APP: variants seen among roughly 807,000 people sequenced by gnomAD.
APP encodes the protein amyloid beta precursor protein.
APP carries 31 observed loss-of-function variants against 101.4 expected under a neutral mutation model. That is an observed-to-expected ratio of 0.31 (90% confidence interval 0.23 to 0.41). The LOEUF is 0.41. Among genes scored for constraint, APP ranks in the 10% least tolerant of loss-of-function variants. APP has a pLI of 1.00. For missense variants in APP, 839 were observed against 1,003.7 expected, an observed-to-expected ratio of 0.84 and a Z score of 2.22; for synonymous variants, 366 against 364.4, an observed-to-expected ratio of 1.00 and a Z score of -0.05.
chr21:26,068,893 T>C (rs1182720239), intron 3 of APP, among the ~76,000 whole-genome samples: 2 of 152,214 alleles, frequency 1.3e-5, no homozygotes, highest in African/African-American at 2.4e-5. Context: ...TCCCAGTCGC[T>C]TGCTGCATGC....
chr21:25,891,968 G>A (rs1392899786), intron 16 of APP, 100 bp from the exon 17 acceptor site: 3 of 1,275,584 alleles, frequency 2.4e-6, no homozygotes, highest in East Asian at 5.1e-5. Context: ...AAATGCAGGG[G>A]ACATTTGGAT....
chr21:25,947,801 G>A (rs1156935007), intron 13 of APP, among the ~76,000 whole-genome samples: 6 of 151,932 alleles, frequency 3.9e-5, no homozygotes, highest in Non-Finnish European at 8.8e-5. Flanking sequence ...TCAGGAGTTC[G>A]AGACCAGCTT....
chr21:25,989,922 TAA>T (rs58821939), intron 8 of APP, among the ~76,000 whole-genome samples: 24 of 145,332 alleles, frequency 1.7e-4, no homozygotes, highest in African/African-American at 4.7e-4. Context: ...AAAGTGTCTC[TAA>T]AAAAAAAAAA....
intron 1 of APP, among the ~76,000 whole-genome samples, chr21:26,149,667 A>C (rs1347726187): frequency 6.6e-6 from 1 of 152,268 alleles, no homozygotes; most frequent in African/African-American, 2.4e-5. Context: ...GAATTGCTGT[A>C]TACTCTAAAC....
chr21:25,907,201 C>T lies in APP; in HGVS notation c.1910-2124G>A, dbSNP rs151299168. ...ATTATTTAAAAACAATAATAAAACC[C>T]TAACCCTATTTTTTAGGAAGATTAA... On this transcript the variant is annotated intron_variant, in intron 14 of 17. Transcript: ENST00000346798. Among the ~76,000 whole-genome samples the T allele has an allele frequency of 2.2e-4, 34 of 152,182 alleles. No individual in the cohort carries two copies. In the East Asian group the frequency reaches 5.8e-3, roughly 26 times the overall value.
In APP at chr21:26,013,947, G is replaced by A. The variant is rs149969604; in HGVS notation, c.865+7893C>T. The stretch of plus-strand genomic sequence containing the variant: ...CATGACATGGGGCACAAAATAACAG[G>A]CTGTTACCTGTCACATCTATGGTCA... On this transcript the variant is annotated intron_variant, in intron 6 of 17. Coordinates refer to ENST00000346798, the MANE Select transcript of APP (RefSeq NM_000484.4). 2.8e-3 allele frequency among the ~76,000 whole-genome samples: 420 copies of A among 152,200 alleles called. 4 individuals carry two copies. The highest frequency in any genetic ancestry group is 5.0e-4 in the Non-Finnish European group (34 of 68,014).
intron 5 of APP, among the ~76,000 whole-genome samples, chr21:26,048,073 T>C (rs916214548): frequency 6.6e-5 from 10 of 152,016 alleles, no homozygotes; most frequent in African/African-American, 2.4e-4. Flanking sequence ...TCCCAGCACT[T>C]TGGGAGGCTG....
intron 3 of APP, among the ~76,000 whole-genome samples, chr21:26,074,498 G>A (rs1437847465): frequency 2.0e-5 from 3 of 152,234 alleles, no homozygotes; most frequent in Admixed American, 1.3e-4. Flanking sequence ...GCTCACGCCT[G>A]TAATTCCAGC....
At chr21:25,987,060 G>GTTGTT (rs1310740403) in intron 8 of APP, among the ~76,000 whole-genome samples, 3 of 152,210 alleles carry the variant, frequency 2.0e-5, no homozygotes, top group Non-Finnish European at 4.4e-5. Flanking sequence ...AAGGGTTTTT[G>GTTGTT]TTGTTTTGTT....
Position 25,897,618 on chromosome 21 carries a change from T to C in APP, c.2019A>G (p.Ala673=). The C allele has an allele frequency of 6.2e-7, 1 of 1,614,110 alleles. No homozygotes were observed. Among genetic ancestry groups the C allele is most frequent in the Non-Finnish European group, 8.5e-7 (1 of 1,179,962 alleles). Residue 673 remains alanine, a synonymous_variant, in exon 16 of 18, where the codon GCA becomes GCG. Coordinates refer to ENST00000346798, the MANE Select transcript of APP (RefSeq NM_000484.4). ...CATATCCTGAGTCATGTCGGAATTC[T>C]GCATCCATCTTCACTTCAGAGATCT... The part of the protein sequence containing the change: ...TEEISEVKMD[A]EFRHDSGYEV...
intron 6 of APP, chr21:26,009,508 A>T (rs1486861529): frequency 6.6e-6 from 1 of 152,146 alleles, no homozygotes; most frequent in Non-Finnish European, 1.5e-5. Flanking sequence ...CAGAAATATC[A>T]AAGTTTTTAT....
chr21:25,891,524 T>C (rs2037695218), intron 17 of APP, among the ~76,000 whole-genome samples, 198 bp downstream of exon 17: 1 of 152,208 alleles, frequency 6.6e-6, no homozygotes, highest in African/African-American at 2.4e-5. Flanking sequence ...ACACTCTCAA[T>C]ACCTTGAGCA....
At chr21:26,038,059 T>A (rs2045200547) in intron 5 of APP, among the ~76,000 whole-genome samples, 1 of 152,158 alleles carries the variant, frequency 6.6e-6, no homozygotes, top group South Asian at 2.1e-4. Flanking sequence ...CTATTTAAAT[T>A]TCTATTTAAA....
At chr21:26,119,071 G>A (rs1165838117) in intron 1 of APP, among the ~76,000 whole-genome samples, 1 of 152,024 alleles carries the variant, frequency 6.6e-6, no homozygotes, top group African/African-American at 2.4e-5. Flanking sequence ...GAAAAACCAA[G>A]ATAAGTCACT....
chr21:26,079,941 T>C (rs1024114647), intron 3 of APP, among the ~76,000 whole-genome samples: 6 of 152,096 alleles, frequency 3.9e-5, no homozygotes, highest in Non-Finnish European at 7.4e-5. Context: ...CTGGCCAACA[T>C]GGTGAAACCC....
At chr21:25,891,093 T>A (rs577350938) in intron 17 of APP, among the ~76,000 whole-genome samples, 1 of 152,326 alleles carries the variant, frequency 6.6e-6, no homozygotes, top group Non-Finnish European at 1.5e-5. Flanking sequence ...TTTCTCTCTT[T>A]CTTGTTTTAG....
chr21:26,097,549 G>T (rs1037440919), intron 2 of APP, among the ~76,000 whole-genome samples: 3 of 38,412 alleles, frequency 7.8e-5, no homozygotes, highest in African/African-American at 3.3e-4. Context: ...TTTCAATATT[G>T]TTCTTCCAAG....
At chr21:25,976,196 TATAA>T (rs1481509941) in intron 9 of APP, among the ~76,000 whole-genome samples, 168 bp from the exon 10 acceptor site, 2 of 152,220 alleles carry the variant, frequency 1.3e-5, no homozygotes, top group Non-Finnish European at 2.9e-5. Flanking sequence ...CCCACTAGGA[TATAA>T]ATAATTAATC....
chr21:26,021,977 T>C lies in APP; in HGVS notation c.728A>G (p.Asp243Gly). 1 of 1,614,046 alleles carries C rather than the reference T, an allele frequency of 6.2e-7. No individual in the cohort carries two copies. The highest frequency in any genetic ancestry group is 8.5e-7 in the Non-Finnish European group (1 of 1,179,936). The change falls in exon 6 of 18, where the codon GAT (aspartate) becomes GGT (glycine). Residue 243 changes from aspartate (D) to glycine (G), a missense_variant. Physicochemically the swap from Asp to Gly is moderately conservative, Grantham distance 94 (BLOSUM62 -1). Coordinates refer to ENST00000346798, the MANE Select transcript of APP (RefSeq NM_000484.4). Reference sequence around the variant, plus strand: ...ACCATCCTCATCGTCCTCGTCATCATCGGCTTCTTCTTCTTCCACCTCAGC... The same window carrying C: ...ACCATCCTCATCGTCCTCGTCATCACCGGCTTCTTCTTCTTCCACCTCAGC... ...EVAEVEEEEADDDEDDEDGDE... is the reference protein window; with the variant it reads ...EVAEVEEEEAGDDEDDEDGDE...
Sources: allele counts gnomAD v4.1 joint callset (sites outside exome capture counted in the v4.1 genomes callset), GRCh38; gene constraint gnomAD v4.1.1; transcripts MANE v1.5; gene names NCBI Gene and HGNC (gene_info 2026-07-23, HGNC 2026-07-21).